Variants in GNAQ observed in about 807,000 individuals in gnomAD.
The protein encoded by GNAQ is guanine nucleotide-binding protein G(q) subunit alpha.
Under a neutral mutation model 43.9 loss-of-function variants are expected in GNAQ, and 8 were observed. The observed-to-expected ratio is 0.18, with a 90% confidence interval of 0.11 to 0.33. The LOEUF (loss-of-function observed/expected upper bound fraction) is 0.33. Ranked by LOEUF, GNAQ falls within the 10% of genes least tolerant of loss-of-function variation. The pLI, the probability that GNAQ is intolerant of heterozygous loss-of-function variation, is 1.00. For missense variants in GNAQ, 158 were observed against 450.8 expected (o/e 0.35, Z 5.88); for synonymous variants, 155 against 170.7 (o/e 0.91, Z 0.71).
chr9:77,849,159 G>C (rs1242663426), intron 2 of GNAQ, among the ~76,000 whole-genome samples: 1 of 152,110 alleles, frequency 6.6e-6, no homozygotes, highest in Non-Finnish European at 1.5e-5. Flanking sequence ...TGCTCCAGCC[G>C]ACAGCAAAGG....
intron 1 of GNAQ, among the ~76,000 whole-genome samples, chr9:77,929,551 C>T (rs1829117472): frequency 6.6e-6 from 1 of 152,078 alleles, no homozygotes; most frequent in African/African-American, 2.4e-5. Context: ...CTGCAACAGG[C>T]TGGGTGCGGT....
chr9:77,852,669 C>T (rs939918430), intron 2 of GNAQ, among the ~76,000 whole-genome samples: 1 of 152,238 alleles, frequency 6.6e-6, no homozygotes, highest in Non-Finnish European at 1.5e-5. Context: ...CGTGATCGCT[C>T]AGTGCTCTTT....
chr9:77,989,089 A>G (rs1823477407), intron 1 of GNAQ, among the ~76,000 whole-genome samples: 1 of 152,140 alleles, frequency 6.6e-6, no homozygotes, highest in South Asian at 2.1e-4. Context: ...TTTTTTAGTA[A>G]AATTATCTTT....
chr9:77,965,217 C>CTAT (rs1823151640), intron 1 of GNAQ, among the ~76,000 whole-genome samples: 3 of 152,052 alleles, frequency 2.0e-5, no homozygotes, highest in African/African-American at 7.2e-5. Context: ...CACCAATCAA[C>CTAT]ACCCATAATT....
chr9:77,839,508 A>G (rs992060585), intron 2 of GNAQ, among the ~76,000 whole-genome samples: 3 of 152,206 alleles, frequency 2.0e-5, no homozygotes, highest in African/African-American at 7.2e-5. Context: ...TCCTCATTTG[A>G]TTTTAAATAC....
At chr9:77,978,797 C>T (rs1823333496) in intron 1 of GNAQ, among the ~76,000 whole-genome samples, 2 of 152,222 alleles carry the variant, frequency 1.3e-5, no homozygotes, top group Non-Finnish European at 2.9e-5. Flanking sequence ...CAGTGGCTCA[C>T]GCCTATAATC....
At chr9:77,861,819 G>T (rs1423864172) in intron 2 of GNAQ, among the ~76,000 whole-genome samples, 1 of 152,032 alleles carries the variant, frequency 6.6e-6, no homozygotes, top group Non-Finnish European at 1.5e-5. Flanking sequence ...GGCCAACATG[G>T]TGAAACCCCA....
chr9:77,905,880 T>G (rs1828699683), intron 2 of GNAQ, among the ~76,000 whole-genome samples: 1 of 152,006 alleles, frequency 6.6e-6, no homozygotes, highest in Non-Finnish European at 1.5e-5. Context: ...AGTTGAACAA[T>G]GAGAACACAT....
intron 1 of GNAQ, among the ~76,000 whole-genome samples, chr9:78,005,615 T>C (rs1823695918): frequency 6.6e-6 from 1 of 152,158 alleles, no homozygotes; most frequent in Non-Finnish European, 1.5e-5. Context: ...TGGATAGTGA[T>C]CTGTTTTCAA....
At chr9:77,788,310 G>C (rs368922539) in intron 5 of GNAQ, among the ~76,000 whole-genome samples, 1 of 152,148 alleles carries the variant, frequency 6.6e-6, no homozygotes, top group South Asian at 2.1e-4. Context: ...TCACGTAATA[G>C]AGTGACATGG....
At chr9:77,916,256 G>A (rs1205520279) in intron 2 of GNAQ, among the ~76,000 whole-genome samples, 1 of 152,224 alleles carries the variant, frequency 6.6e-6, no homozygotes, top group African/African-American at 2.4e-5. Flanking sequence ...GAGCTCTTCA[G>A]AGGGGTAGAT....
chr9:77,729,693 C>T (rs922671829), intron 5 of GNAQ, among the ~76,000 whole-genome samples: 7 of 152,156 alleles, frequency 4.6e-5, no homozygotes, highest in African/African-American at 1.7e-4. Context: ...ATGCTTCATC[C>T]TGCACACACT....
chr9:77,933,968 C>A (rs1016967982), intron 1 of GNAQ, among the ~76,000 whole-genome samples: 1 of 152,174 alleles, frequency 6.6e-6, no homozygotes, highest in Admixed American at 6.5e-5. Context: ...CCTGCAAATA[C>A]TTCCTCAGGA....
At chr9:78,007,727 C>T (rs976917439) in intron 1 of GNAQ, among the ~76,000 whole-genome samples, 3 of 152,204 alleles carry the variant, frequency 2.0e-5, no homozygotes, top group Non-Finnish European at 2.9e-5. Flanking sequence ...ATCAGGGATA[C>T]TTCTCCATCC....
chr9:77,844,893 T>A (rs1202116078), intron 2 of GNAQ, among the ~76,000 whole-genome samples: 1 of 152,142 alleles, frequency 6.6e-6, no homozygotes, highest in Non-Finnish European at 1.5e-5. Flanking sequence ...CAGGCTGGTC[T>A]CGAACTCCTG....
chr9:77,865,193 CACTGAGGCCAA>C, intron 2 of GNAQ, among the ~76,000 whole-genome samples: 1 of 152,162 alleles, frequency 6.6e-6, no homozygotes, highest in Non-Finnish European at 1.5e-5. Flanking sequence ...CCTGAAAGGC[CACTGAGGCCAA>C]TCATCAGATC....
chr9:77,729,731 G>A (rs1196359657), intron 5 of GNAQ, among the ~76,000 whole-genome samples: 2 of 152,168 alleles, frequency 1.3e-5, no homozygotes, highest in African/African-American at 4.8e-5. Flanking sequence ...AGTTCTCCAT[G>A]TTATGACTGG....
intron 1 of GNAQ, among the ~76,000 whole-genome samples, chr9:78,016,126 C>G (rs1823835360): frequency 6.6e-6 from 1 of 152,080 alleles, no homozygotes; most frequent in Non-Finnish European, 1.5e-5. Flanking sequence ...AGACCTAAAA[C>G]TACAAAACTC....
chr9:77,740,174 A>G lies in GNAQ; in HGVS notation c.736-11507T>C, dbSNP rs560442337. 1.2e-4 allele frequency among the ~76,000 whole-genome samples: 19 copies of G among 152,314 alleles called. No individual in the cohort carries two copies. In the South Asian group the frequency reaches 3.3e-3, roughly 27 times the overall value. ...ACGTGGCCGCCTGATTCTTTGGCCA[A>G]CATGATAGGGTGGTATCAGTGGATA... On this transcript the variant is annotated intron_variant, in intron 5 of 6. Transcript: ENST00000286548.
Sources: gnomAD v4.1 joint callset for allele counts (sites outside exome capture counted in the v4.1 genomes callset) on GRCh38, gnomAD v4.1.1 for gene constraint, MANE v1.5 for transcripts, NCBI Gene and HGNC (gene_info 2026-07-23, HGNC 2026-07-21) for gene names.